Variants in GABBR2 observed in about 807,000 individuals in gnomAD.
GABBR2 encodes the protein G-protein coupled receptor 51.
In GABBR2, 23 loss-of-function variants were observed where a neutral mutation model predicts 105.6. The ratio of observed to expected loss-of-function variants is 0.22; its 90% CI spans 0.16 to 0.31. The LOEUF is 0.31. Among genes scored for constraint, GABBR2 ranks in the 10% least tolerant of loss-of-function variants. The probability of loss-of-function intolerance (pLI) is 1.00; values close to 1 mark genes in which losing one functional copy is unlikely to be tolerated. For missense variants in GABBR2, 734 were observed against 1,245.5 expected, an observed-to-expected ratio of 0.59 and a Z score of 6.18; for synonymous variants, 478 against 499.7, an observed-to-expected ratio of 0.96 and a Z score of 0.58.
chr9:98,613,928 C>G (rs1022641530), intron 1 of GABBR2, among the ~76,000 whole-genome samples: 7 of 151,934 alleles, frequency 4.6e-5, no homozygotes, highest in African/African-American at 1.4e-4. Flanking sequence ...AACTGTAACA[C>G]GAAAATAATA....
intron 13 of GABBR2, among the ~76,000 whole-genome samples, chr9:98,362,140 G>A (rs915211240): frequency 1.5e-4 from 23 of 152,214 alleles, no homozygotes; most frequent in African/African-American, 4.8e-4. Flanking sequence ...AAACTACAGC[G>A]TCCTAAGGGA....
At chr9:98,379,128 A>G (rs562656968) in intron 11 of GABBR2, among the ~76,000 whole-genome samples, 81 of 152,300 alleles carry the variant, frequency 5.3e-4, no homozygotes, top group Non-Finnish European at 1.0e-3. Context: ...TGGCAGAGGC[A>G]ACCACCAGCT....
rs538284748 is a variant in GABBR2 at position 98,540,496 on chromosome 9, G to T, written c.630+1377C>A. Among the ~76,000 whole-genome samples the T allele has an allele frequency of 1.7e-3, 261 of 152,252 alleles. 2 individuals are homozygous for T. The highest frequency in any genetic ancestry group is 1.5e-3 in the Non-Finnish European group (102 of 68,000). Reference sequence around the variant, plus strand: ...TCTCCTTCCCATGGAAGAGACAGGGGGCAAGAACCTCAGAAGGTAAGTGCA... The same window carrying T: ...TCTCCTTCCCATGGAAGAGACAGGGTGCAAGAACCTCAGAAGGTAAGTGCA... On this transcript the variant is annotated intron_variant, in intron 3 of 18. Transcript: ENST00000259455.
At chr9:98,394,572 C>T (rs1832253224) in intron 8 of GABBR2, among the ~76,000 whole-genome samples, 1 of 152,210 alleles carries the variant, frequency 6.6e-6, no homozygotes, top group Non-Finnish European at 1.5e-5. Flanking sequence ...AAATGTTTCC[C>T]TGTAACATTC....
rs1832491493 is a variant in GABBR2, at chr9:98,406,418, T to C, written c.1237-277A>G. Among the ~76,000 whole-genome samples, 3 of 152,230 alleles carry C rather than the reference T, an allele frequency of 2.0e-5. No homozygotes were observed. In the South Asian group the frequency reaches 6.2e-4, roughly 32 times the overall value. On this transcript the variant is annotated intron_variant, in intron 7 of 18. Transcript: ENST00000259455. ...GCATCATCATGATCACCATGACTAT[T>C]AATTAAACACCCACGTGTCCGTGCT... is the stretch of plus-strand genomic sequence containing the variant.
Position 98,350,188 on chromosome 9 carries a change from A to C in GABBR2, c.1893+12527T>G, listed in dbSNP as rs372254380. 1.3e-4 allele frequency among the ~76,000 whole-genome samples: 18 copies of C among 140,380 alleles called. No individual in the cohort carries two copies. The East Asian group carries it at 2.5e-3, about 19-fold the overall frequency. The allele number at this position is 140,380 out of a possible 152,430, so 92.1% of individuals were successfully genotyped here. A position where few individuals can be genotyped will look rare whatever the true frequency, so the allele number is the denominator to read the frequency against. ...TGATTTTATCTTCTCAAAAAAAAAA[A>C]CCCCACAAGTTCTCATTTTCTTCAT... On this transcript the variant is annotated intron_variant, in intron 13 of 18. Transcript: ENST00000259455.
chr9:98,410,781 T>C (rs1214763331), intron 7 of GABBR2, among the ~76,000 whole-genome samples: 1 of 152,106 alleles, frequency 6.6e-6, no homozygotes, highest in East Asian at 2.0e-4. Context: ...TCCCTGGAAG[T>C]AAGATCTGGT....
intron 2 of GABBR2, among the ~76,000 whole-genome samples, chr9:98,543,468 G>A (rs931400650): frequency 7.2e-5 from 11 of 152,012 alleles, no homozygotes; most frequent in African/African-American, 2.4e-4. Context: ...GGGTTCCAGC[G>A]ATCCCCACCT....
intron 4 of GABBR2, among the ~76,000 whole-genome samples, chr9:98,482,959 C>T (rs551805728): frequency 2.8e-4 from 43 of 152,188 alleles, no homozygotes; most frequent in African/African-American, 1.0e-3. Context: ...TCTCCCTGGG[C>T]CACCTAGTTC....
Position 98,371,606 on chromosome 9 carries a change from C to T in GABBR2, c.1663-35G>A, listed in dbSNP as rs149967678. Reference sequence around the variant, plus strand: ...ATGAGAAAACAGAGGCATTGACCTTCCTTAGGTAGACAGACTTCATCAGGT... The same window carrying T: ...ATGAGAAAACAGAGGCATTGACCTTTCTTAGGTAGACAGACTTCATCAGGT... On this transcript the variant is annotated intron_variant, in intron 11 of 18. Coordinates refer to ENST00000259455, the MANE Select transcript of GABBR2 (RefSeq NM_005458.8). The T allele has an allele frequency of 2.7e-4, 316 of 1,173,488 alleles. 5 individuals are homozygous for T. In the East Asian group the frequency reaches 6.8e-3, roughly 25 times the overall value. 72.7% of individuals were successfully genotyped at this position (1,173,488 alleles called of 1,614,324 possible).
rs1830247458 is a variant in GABBR2 at position 98,289,170 on chromosome 9, A to T, written c.*1414T>A. ...AGGGCTGAAGGTCAGAGTCATACTCATACCTCACGGATCAGGGCGGCTTCA... is the reference window on the plus strand; with the variant it reads ...AGGGCTGAAGGTCAGAGTCATACTCTTACCTCACGGATCAGGGCGGCTTCA... On this transcript the variant is annotated 3_prime_UTR_variant, in exon 19 of 19. Coordinates refer to ENST00000259455, the MANE Select transcript of GABBR2 (RefSeq NM_005458.8). 6.6e-6 allele frequency: 1 copy of T among 152,626 alleles called. No individual in the cohort carries two copies. The highest frequency in any genetic ancestry group is 1.9e-4 in the East Asian group (1 of 5,194). 9.5% of individuals were successfully genotyped at this position (152,626 alleles called of 1,614,324 possible).
At chr9:98,517,857 G>A (rs11792716) in intron 3 of GABBR2, among the ~76,000 whole-genome samples, 2 of 151,992 alleles carry the variant, frequency 1.3e-5, no homozygotes, top group Non-Finnish European at 2.9e-5. Context: ...GCCAATGGGA[G>A]CCCAGCAGGA....
Position 98,436,360 on chromosome 9 carries a change from T to TACACACACACACC in GABBR2, c.1236+17620_1236+17621insGGTGTGTGTGTGT, listed in dbSNP as rs60018274. Among the ~76,000 whole-genome samples, 28 of 4,372 alleles carry TACACACACACACC rather than the reference T, an allele frequency of 6.4e-3. 3 individuals are homozygous for TACACACACACACC. Among genetic ancestry groups the TACACACACACACC allele is most frequent in the East Asian group, 0.027 (3 of 112 alleles). The allele number at this position is 4,372 out of a possible 152,430, so 2.9% of individuals were successfully genotyped here. A position where few individuals can be genotyped will look rare whatever the true frequency, so the allele number is the denominator to read the frequency against. On this transcript the variant is annotated intron_variant, in intron 7 of 18. Coordinates refer to ENST00000259455, the MANE Select transcript of GABBR2 (RefSeq NM_005458.8). ...CACACACACACACCATATATATATA[T>TACACACACACACC]ATATATATATATATATATATATATA... is the stretch of plus-strand genomic sequence containing the variant.
chr9:98,381,669 C>T (rs2131480895), intron 11 of GABBR2, among the ~76,000 whole-genome samples: 1 of 152,320 alleles, frequency 6.6e-6, no homozygotes, highest in East Asian at 1.9e-4. Flanking sequence ...GTGGACTCCC[C>T]TTTGTAGAGC....
intron 1 of GABBR2, among the ~76,000 whole-genome samples, chr9:98,635,988 C>G (rs1829870823): frequency 6.6e-6 from 1 of 152,130 alleles, no homozygotes; most frequent in Non-Finnish European, 1.5e-5. Flanking sequence ...CTCCATGCAT[C>G]AAAGTGGAGC....
chr9:98,330,564 C>T (rs749389342), intron 13 of GABBR2, among the ~76,000 whole-genome samples: 31 of 152,120 alleles, frequency 2.0e-4, no homozygotes, highest in Admixed American at 7.9e-4. Flanking sequence ...GTATTGGACC[C>T]GACAATCATT....
intron 13 of GABBR2, among the ~76,000 whole-genome samples, chr9:98,349,879 T>C (rs955771981): frequency 6.6e-6 from 1 of 152,210 alleles, no homozygotes; most frequent in African/African-American, 2.4e-5. Flanking sequence ...CATCTTGTCC[T>C]GGGCTTTTCT....
intron 7 of GABBR2, among the ~76,000 whole-genome samples, chr9:98,453,129 C>T (rs1223461140): frequency 2.0e-5 from 3 of 152,184 alleles, no homozygotes; most frequent in Non-Finnish European, 2.9e-5. Flanking sequence ...CGGGTTCAAG[C>T]GATTCTCCTG....
Position 98,343,739 on chromosome 9 carries a change from T to C in GABBR2, c.1893+18976A>G, listed in dbSNP as rs546378523. On this transcript the variant is annotated intron_variant, in intron 13 of 18. Transcript: ENST00000259455. ...CGGGTATGGTGGCGGACGCCTGTAGTCCCAGCTACTCAGGAGGCTGAGGCA... is the reference window on the plus strand; with the variant it reads ...CGGGTATGGTGGCGGACGCCTGTAGCCCCAGCTACTCAGGAGGCTGAGGCA... Among the ~76,000 whole-genome samples the C allele has an allele frequency of 3.3e-5, 5 of 152,030 alleles. No individual in the cohort carries two copies. The South Asian group carries it at 1.0e-3, about 32-fold the overall frequency.
Sources: gnomAD v4.1 joint callset for allele counts (sites outside exome capture counted in the v4.1 genomes callset) on GRCh38, gnomAD v4.1.1 for gene constraint, MANE v1.5 for transcripts, NCBI Gene and HGNC (gene_info 2026-07-23, HGNC 2026-07-21) for gene names.